The following ITPK1 variants were observed in gnomAD, a reference collection of about 807,000 sequenced individuals.
The protein encoded by ITPK1 is inositol 1,3,4-trisphosphate 5/6-kinase.
A neutral mutation model predicts 45.3 loss-of-function variants in ITPK1; 21 were observed. The ratio of observed to expected loss-of-function variants is 0.46; its 90% confidence interval spans 0.33 to 0.67. The LOEUF (loss-of-function observed/expected upper bound fraction) is 0.67, where lower values mean the gene tolerates loss of function less well. Ranked by LOEUF, ITPK1 falls within the 30% of genes least tolerant of loss-of-function variation. The probability of loss-of-function intolerance (pLI) is 0.02; values close to 1 mark genes in which losing one functional copy is unlikely to be tolerated. For synonymous variants in ITPK1, 258 were observed against 253.6 expected (o/e 1.02, Z -0.16); for missense variants, 474 against 573.5 (o/e 0.83, Z 1.77).
chr14:93,110,233 A>T (rs929835688), intron 2 of ITPK1, among the ~76,000 whole-genome samples: 1 of 152,164 alleles, frequency 6.6e-6, no homozygotes, highest in Admixed American at 6.5e-5. Context: ...AGGCTGGTAG[A>T]AAGTGTTCAT....
intron 3 of ITPK1, among the ~76,000 whole-genome samples, chr14:93,057,096 C>T (rs1337641646): frequency 1.3e-5 from 2 of 152,146 alleles, no homozygotes; most frequent in African/African-American, 2.4e-5. Flanking sequence ...AGACCATAGG[C>T]CGAGGATGAG....
rs529130324 is a variant in ITPK1, at chr14:93,036,091, G to A, written c.121-19290C>T. ...CCCAAGGCCACCCTTTCCAAGAAAG[G>A]GCTACGAAAGCAATGGTGGCGTCAG... On this transcript the variant is annotated intron_variant, in intron 3 of 10. Transcript: ENST00000267615. The surrounding 1 kb of genome is among the most constrained non-coding windows in gnomAD (Gnocchi z 4.1). 6.6e-6 allele frequency among the ~76,000 whole-genome samples: 1 copy of A among 152,182 alleles called. No homozygotes were observed. The highest frequency in any genetic ancestry group is 2.4e-5 in the African/African-American group (1 of 41,438).
chr14:92,958,110 TG>T lies in ITPK1; in HGVS notation c.670+90del. 1 of 1,247,194 alleles carries T rather than the reference TG, an allele frequency of 8.0e-7. No homozygotes were observed. Among genetic ancestry groups the T allele is most frequent in the Non-Finnish European group, 1.2e-6 (1 of 854,554 alleles). The allele number at this position is 1,247,194 out of a possible 1,614,324, so 77.3% of individuals were successfully genotyped here. Reference sequence around the variant, plus strand: ...CATCCCACCAAGAACACAGGGTGGTTGGGGCAGTGCCGAAGGACAGACAGCT... The same window carrying T: ...CATCCCACCAAGAACACAGGGTGGTTGGGCAGTGCCGAAGGACAGACAGCT... On this transcript the variant is annotated intron_variant, in intron 8 of 10. Coordinates refer to ENST00000267615, the MANE Select transcript of ITPK1 (RefSeq NM_014216.6). This position sits in a 1 kb window ranked among gnomAD's most constrained non-coding sequence, Gnocchi z 4.4.
At position 93,099,611 on chromosome 14, in the gene ITPK1, G is replaced by A. The variant is rs147440134; in HGVS notation, c.95+15458C>T. ...AGGACTCTCAGAATCTGCCTGTGTC[G>A]GGCTGGCCGTGGGAATAAGCCAGAT... On this transcript the variant is annotated intron_variant, in intron 2 of 10. Coordinates refer to ENST00000267615, the MANE Select transcript of ITPK1 (RefSeq NM_014216.6). Among the ~76,000 whole-genome samples the A allele has an allele frequency of 1.6e-3, 236 of 152,238 alleles. 1 individual carries two copies. The highest frequency in any genetic ancestry group is 4.1e-3 in the East Asian group (21 of 5,164).
At position 93,041,789 on chromosome 14, in the gene ITPK1, G is replaced by A. The variant is rs1044392005; in HGVS notation, c.121-24988C>T. Among the ~76,000 whole-genome samples the A allele has an allele frequency of 5.3e-5, 8 of 152,340 alleles. No individual in the cohort carries two copies. The East Asian group carries it at 7.7e-4, about 15-fold the overall frequency. ...TGTGCTCGCACCCAGCACTACAGGT[G>A]ACAAGAGTTCCTGGCCTTTCCTGTC... On this transcript the variant is annotated intron_variant, in intron 3 of 10. Coordinates refer to ENST00000267615, the MANE Select transcript of ITPK1 (RefSeq NM_014216.6).
At chr14:93,066,228 A>C (rs1420364617) in intron 3 of ITPK1, 3 of 455,896 alleles carry the variant, frequency 6.6e-6, no homozygotes, top group Non-Finnish European at 1.3e-5. Context: ...CGTGCTCCTC[A>C]GAGACCAGCA....
chr14:93,115,014 G>C (rs1319655702), intron 2 of ITPK1, 55 bp downstream of exon 2: 1 of 1,040,436 alleles, frequency 9.6e-7, no homozygotes, highest in Non-Finnish European at 1.4e-6. Flanking sequence ...TCGGGCCGGG[G>C]GTCACCGGGC....
At chr14:93,082,455 T>C (rs1002038296) in intron 2 of ITPK1, among the ~76,000 whole-genome samples, 3 of 152,186 alleles carry the variant, frequency 2.0e-5, no homozygotes, top group Non-Finnish European at 4.4e-5. Flanking sequence ...CCCTGTACCT[T>C]GTGCCTCTGT....
intron 3 of ITPK1, chr14:93,067,813 T>G (rs562588065): frequency 1.3e-5 from 2 of 153,520 alleles, no homozygotes; most frequent in South Asian, 4.1e-4. Context: ...TAACTTTGTC[T>G]TATTTGTTAT....
chr14:93,081,800 G>A (rs1566775562), intron 2 of ITPK1, among the ~76,000 whole-genome samples: 1 of 152,230 alleles, frequency 6.6e-6, no homozygotes. Context: ...CTGAGACGCA[G>A]GACAGAGGAT....
intron 3 of ITPK1, among the ~76,000 whole-genome samples, chr14:93,044,638 T>A (rs1334997078): frequency 6.6e-6 from 1 of 152,136 alleles, no homozygotes; most frequent in Admixed American, 6.5e-5. Context: ...CTGACCAATG[T>A]GGCGACAACC....
chr14:93,002,953 G>A (rs4343207), intron 4 of ITPK1, among the ~76,000 whole-genome samples: 2,789 of 152,306 alleles, frequency 0.018, 68 homozygotes, highest in Admixed American at 0.076. Flanking sequence ...GAGCAAGACA[G>A]ATGAAAGCAA....
chr14:92,959,346 G>A (rs939437119), intron 7 of ITPK1, among the ~76,000 whole-genome samples: 7 of 152,248 alleles, frequency 4.6e-5, no homozygotes, highest in Non-Finnish European at 1.0e-4. Context: ...ATGGGCCCCG[G>A]AGAGCTGGCT....
At chr14:93,095,940 T>C (rs1035749297) in intron 2 of ITPK1, among the ~76,000 whole-genome samples, 3 of 152,216 alleles carry the variant, frequency 2.0e-5, no homozygotes, top group Admixed American at 2.0e-4. Context: ...TTCTTTTTCA[T>C]GGCTGAGTAG....
At chr14:92,991,736 C>T (rs1595117214) in intron 5 of ITPK1, among the ~76,000 whole-genome samples, 1 of 151,964 alleles carries the variant, frequency 6.6e-6, no homozygotes, top group East Asian at 1.9e-4. Context: ...TTGAACACAC[C>T]GTGCACACAC....
chr14:93,026,060 C>T (rs966639689), intron 3 of ITPK1, among the ~76,000 whole-genome samples: 6 of 152,012 alleles, frequency 3.9e-5, no homozygotes, highest in African/African-American at 1.5e-4. Context: ...GGCTTAAGCA[C>T]GGATTGCGCC....
intron 2 of ITPK1, among the ~76,000 whole-genome samples, chr14:93,094,512 T>G (rs1278518560): frequency 1.3e-5 from 2 of 152,250 alleles, no homozygotes; most frequent in African/African-American, 2.4e-5. Context: ...ATTTTATCAG[T>G]GCATGCCCTG....
chr14:93,093,108 C>A (rs577620321), intron 2 of ITPK1, among the ~76,000 whole-genome samples: 1 of 152,206 alleles, frequency 6.6e-6, no homozygotes, highest in Non-Finnish European at 1.5e-5. Context: ...AAGCAGGATG[C>A]CGTTCTGTGA....
intron 8 of ITPK1, among the ~76,000 whole-genome samples, chr14:92,953,701 T>G (rs1213437274): frequency 1.3e-5 from 2 of 152,014 alleles, no homozygotes; most frequent in South Asian, 2.1e-4. Flanking sequence ...GGTTGGGAAG[T>G]CTGCAGGAGC....
Sources: allele counts gnomAD v4.1 joint callset (sites outside exome capture counted in the v4.1 genomes callset), GRCh38; gene constraint gnomAD v4.1.1; non-coding constraint Gnocchi (gnomAD v3.1); transcripts MANE v1.5; gene names NCBI Gene and HGNC (gene_info 2026-07-23, HGNC 2026-07-21).